The following GRM5 variants were observed in gnomAD, a reference collection of about 807,000 sequenced individuals.
GRM5 encodes the protein metabotropic glutamate receptor 5.
Under a neutral mutation model 83.1 loss-of-function variants are expected in GRM5, and 19 were observed. That is an observed-to-expected ratio of 0.23 (90% CI 0.16 to 0.34). The LOEUF (loss-of-function observed/expected upper bound fraction) is 0.34. Ranked by LOEUF, GRM5 falls within the 10% of genes least tolerant of loss-of-function variation. The pLI is 1.00. For missense variants in GRM5, 1,160 were observed against 1,588.3 expected, an observed-to-expected ratio of 0.73 and a Z score of 4.58; for synonymous variants, 675 against 633.6, an observed-to-expected ratio of 1.07 and a Z score of -0.98.
At chr11:88,880,288 A>C (rs1343671248) in intron 2 of GRM5, among the ~76,000 whole-genome samples, 3 of 152,192 alleles carry the variant, frequency 2.0e-5, no homozygotes, top group Non-Finnish European at 4.4e-5. Context: ...TATTAGGTAG[A>C]GCACATGAAT....
At chr11:88,750,115 A>G (rs879280766) in intron 3 of GRM5, among the ~76,000 whole-genome samples, 6 of 152,214 alleles carry the variant, frequency 3.9e-5, no homozygotes, top group Admixed American at 6.5e-5. Flanking sequence ...AATGGGCTAA[A>G]TGACCCAATT....
intron 8 of GRM5, among the ~76,000 whole-genome samples, chr11:88,540,367 A>T (rs1043702842): frequency 2.0e-5 from 3 of 152,148 alleles, no homozygotes; most frequent in Admixed American, 1.3e-4. Context: ...GTTTCCATTT[A>T]TTTCAGGATG....
intron 8 of GRM5, among the ~76,000 whole-genome samples, chr11:88,558,837 A>C (rs981004937): frequency 6.6e-6 from 1 of 151,110 alleles, no homozygotes; most frequent in Non-Finnish European, 1.5e-5. Flanking sequence ...ACAACAAACA[A>C]CACAAACACA....
intron 3 of GRM5, among the ~76,000 whole-genome samples, chr11:88,689,858 A>T (rs747384164): frequency 3.9e-5 from 6 of 152,188 alleles, no homozygotes; most frequent in Admixed American, 3.3e-4. Context: ...AGACTAAGCC[A>T]GGGGGGTATA....
intron 2 of GRM5, among the ~76,000 whole-genome samples, chr11:88,863,862 A>T (rs777774431): frequency 6.6e-6 from 1 of 151,794 alleles, no homozygotes; most frequent in Non-Finnish European, 1.5e-5. Context: ...TGCCAATAAA[A>T]TATCCTAAAA....
chr11:88,540,467 T>G (rs1591333937), intron 8 of GRM5, among the ~76,000 whole-genome samples: 1 of 152,094 alleles, frequency 6.6e-6, no homozygotes, highest in Non-Finnish European at 1.5e-5. Context: ...ATGCGAGGGG[T>G]GAAGACTGAA....
At chr11:88,859,902 G>A (rs550251502) in intron 2 of GRM5, among the ~76,000 whole-genome samples, 1 of 152,280 alleles carries the variant, frequency 6.6e-6, no homozygotes, top group Non-Finnish European at 1.5e-5. Flanking sequence ...GATAGTTGGT[G>A]TTTAAATCTC....
chr11:88,587,126 A>G (rs2135201830), intron 7 of GRM5, among the ~76,000 whole-genome samples: 1 of 152,288 alleles, frequency 6.6e-6, no homozygotes, highest in East Asian at 1.9e-4. Flanking sequence ...AGTGGCAGAT[A>G]TGTATACAGA....
chr11:88,731,464 C>T (rs368600483), intron 3 of GRM5, among the ~76,000 whole-genome samples: 18 of 151,986 alleles, frequency 1.2e-4, no homozygotes, highest in Non-Finnish European at 2.2e-4. Context: ...ATCTCTATGC[C>T]GTCACATCAC....
At chr11:89,065,339 C>T (rs1942079149) in intron 1 of GRM5, among the ~76,000 whole-genome samples, 1 of 151,578 alleles carries the variant, frequency 6.6e-6, no homozygotes, top group African/African-American at 2.4e-5. Context: ...GAGAGACAGA[C>T]ACACAGAGAG....
chr11:88,755,039 G>C (rs145538353), intron 3 of GRM5, among the ~76,000 whole-genome samples: 1 of 152,116 alleles, frequency 6.6e-6, no homozygotes, highest in Non-Finnish European at 1.5e-5. Flanking sequence ...GAATTACTGA[G>C]ATTCAAATGA....
intron 2 of GRM5, among the ~76,000 whole-genome samples, chr11:88,995,136 G>A (rs1446129135): frequency 6.6e-6 from 1 of 152,086 alleles, no homozygotes; most frequent in African/African-American, 2.4e-5. Flanking sequence ...AAAAATCATA[G>A]AGTAATTTGA....
chr11:88,897,857 C>A (rs1945253871), intron 2 of GRM5, among the ~76,000 whole-genome samples: 1 of 151,892 alleles, frequency 6.6e-6, no homozygotes. Flanking sequence ...AGATAATTTT[C>A]TTTGTAAAGG....
intron 7 of GRM5, among the ~76,000 whole-genome samples, chr11:88,577,026 C>T (rs949239706): frequency 6.6e-6 from 1 of 152,098 alleles, no homozygotes; most frequent in African/African-American, 2.4e-5. Context: ...TGTTCAATAA[C>T]TTTCTGATTT....
At chr11:88,938,549 T>G (rs1199862252) in intron 2 of GRM5, among the ~76,000 whole-genome samples, 5 of 25,028 alleles carry the variant, frequency 2.0e-4, no homozygotes, top group Non-Finnish European at 4.2e-4. Context: ...GAGGTATTAC[T>G]TCATTTTTTT....
intron 3 of GRM5, among the ~76,000 whole-genome samples, chr11:88,801,975 T>C (rs1421703205): frequency 2.0e-5 from 3 of 152,092 alleles, no homozygotes; most frequent in Non-Finnish European, 4.4e-5. Context: ...ATTCCTAAGC[T>C]GCAGGAAACC....
intron 7 of GRM5, among the ~76,000 whole-genome samples, chr11:88,570,571 A>ATATAT (rs1405339448): frequency 2.2e-5 from 1 of 46,378 alleles, no homozygotes; most frequent in African/African-American, 1.3e-4. Context: ...ATATATATAT[A>ATATAT]TTTTTTTTTT....
intron 2 of GRM5, among the ~76,000 whole-genome samples, chr11:88,963,858 T>C (rs1374660172): frequency 6.6e-6 from 1 of 152,168 alleles, no homozygotes; most frequent in Non-Finnish European, 1.5e-5. Flanking sequence ...TGGCCAATAT[T>C]TGGTAAAACT....
intron 2 of GRM5, among the ~76,000 whole-genome samples, chr11:88,955,765 C>G (rs1309219394): frequency 1.3e-5 from 2 of 152,126 alleles, no homozygotes; most frequent in Non-Finnish European, 2.9e-5. Context: ...AGATCAAATG[C>G]CTCCCACTAC....
Sources: allele counts gnomAD v4.1 joint callset (sites outside exome capture counted in the v4.1 genomes callset), GRCh38; gene constraint gnomAD v4.1.1; transcripts MANE v1.5; gene names NCBI Gene and HGNC (gene_info 2026-07-23, HGNC 2026-07-21).